Variants in ZMAT4 observed in about 807,000 individuals in gnomAD.
ZMAT4 encodes zinc finger matrin-type 4, also known as zinc finger matrin-type protein 4.
ZMAT4 carries 17 observed loss-of-function variants against 28.7 expected under a neutral mutation model. The observed-to-expected ratio is 0.59, with a 90% confidence interval of 0.41 to 0.89. The LOEUF (loss-of-function observed/expected upper bound fraction) is 0.89. ZMAT4 is among the 40% of genes least tolerant of loss of function. The pLI is 0.00. For synonymous variants in ZMAT4, 117 were observed against 109.2 expected, an observed-to-expected ratio of 1.07 and a Z score of -0.44; for missense variants, 240 against 283.8, an observed-to-expected ratio of 0.85 and a Z score of 1.11.
In ZMAT4 at chr8:40,881,158, G is replaced by GAA. The variant is rs1818207883; in HGVS notation, c.-5+16524_-5+16525insTT. Reference sequence around the variant, plus strand: ...TTTGAGAGGCCGAACTGGGAGGATCGTTTGAGGCCAGGAGTTCAAGATCAG... The same window carrying GAA: ...TTTGAGAGGCCGAACTGGGAGGATCGAATTTGAGGCCAGGAGTTCAAGATCAG... On this transcript the variant is annotated intron_variant, in intron 1 of 6. Coordinates refer to ENST00000297737, the MANE Select transcript of ZMAT4 (RefSeq NM_024645.3). Among the ~76,000 whole-genome samples, 2 of 151,962 alleles carry GAA rather than the reference G, an allele frequency of 1.3e-5. 1 individual carries two copies. Among genetic ancestry groups the GAA allele is most frequent in the South Asian group, 4.1e-4 (2 of 4,826 alleles).
chr8:40,773,079 C>A (rs1368777114), intron 2 of ZMAT4, among the ~76,000 whole-genome samples: 2 of 152,188 alleles, frequency 1.3e-5, no homozygotes, highest in Non-Finnish European at 2.9e-5. Flanking sequence ...GCAGACAAGA[C>A]AAATAGAAAA....
At chr8:40,673,196 CCTT>C (rs1175295754) in intron 5 of ZMAT4, among the ~76,000 whole-genome samples, 16 of 152,284 alleles carry the variant, frequency 1.1e-4, no homozygotes, top group African/African-American at 3.6e-4. Context: ...TGCCTTCTCA[CCTT>C]CTAAAATGCC....
At chr8:40,779,660 G>A (rs1330878244) in intron 2 of ZMAT4, among the ~76,000 whole-genome samples, 1 of 152,062 alleles carries the variant, frequency 6.6e-6, no homozygotes, top group African/African-American at 2.4e-5. Context: ...TAGAGTTTGG[G>A]GCATTAGATG....
intron 2 of ZMAT4, among the ~76,000 whole-genome samples, chr8:40,810,473 C>A (rs2150595706): frequency 6.6e-6 from 1 of 152,226 alleles, no homozygotes; most frequent in East Asian, 1.9e-4. Flanking sequence ...CCCCAAATTA[C>A]AAGGAAAGAA....
intron 3 of ZMAT4, among the ~76,000 whole-genome samples, chr8:40,742,135 G>A (rs985399989): frequency 1.3e-5 from 2 of 151,338 alleles, no homozygotes; most frequent in African/African-American, 2.4e-5. Context: ...GCACCTGACT[G>A]TAGTCCCCAG....
intron 3 of ZMAT4, among the ~76,000 whole-genome samples, chr8:40,714,454 C>T (rs535549600): frequency 2.6e-5 from 4 of 152,238 alleles, no homozygotes; most frequent in African/African-American, 7.2e-5. Context: ...TTATTGGAAA[C>T]AGCTATTAAA....
At position 40,627,219 on chromosome 8, in the gene ZMAT4, T is replaced by C. The variant is rs150787540; in HGVS notation, c.578-45958A>G. ...TCAGGCTAAGAATGTTGCTGTGGAA[T>C]GTTCTATTAGAGAGGCTGAGATTTT... On this transcript the variant is annotated intron_variant, in intron 5 of 6. Coordinates refer to ENST00000297737, the MANE Select transcript of ZMAT4 (RefSeq NM_024645.3). 5.1e-3 allele frequency among the ~76,000 whole-genome samples: 780 copies of C among 152,342 alleles called. 9 individuals are homozygous for C. Among genetic ancestry groups the C allele is most frequent in the African/African-American group, 0.017 (700 of 41,560 alleles).
chr8:40,581,320 T>A, intron 5 of ZMAT4, 59 bp from the exon 6 acceptor site: 1 of 1,400,816 alleles, frequency 7.1e-7, no homozygotes, highest in Non-Finnish European at 1.0e-6. Flanking sequence ...CTGAAATGAA[T>A]CCTAGCATCT....
chr8:40,640,855 A>G (rs1563380332), intron 5 of ZMAT4, among the ~76,000 whole-genome samples: 1 of 151,514 alleles, frequency 6.6e-6, no homozygotes, highest in East Asian at 2.0e-4. Flanking sequence ...GCTACTTGGG[A>G]GGCTGAGGAA....
intron 5 of ZMAT4, among the ~76,000 whole-genome samples, chr8:40,664,744 G>A (rs866990301): frequency 6.6e-6 from 1 of 152,214 alleles, no homozygotes; most frequent in South Asian, 2.1e-4. Flanking sequence ...ACTAAGTTTG[G>A]AGGTAATGAT....
chr8:40,589,744 C>CTTTCTT, intron 5 of ZMAT4, among the ~76,000 whole-genome samples: 1 of 146,158 alleles, frequency 6.8e-6, no homozygotes, highest in East Asian at 2.0e-4. Context: ...TTCTTTCTTT[C>CTTTCTT]TTTCTTTCTT....
chr8:40,844,908 A>G (rs28406876), intron 1 of ZMAT4, among the ~76,000 whole-genome samples: 4,108 of 152,214 alleles, frequency 0.027, 171 homozygotes, highest in African/African-American at 0.094. Flanking sequence ...CAGGGTAAGA[A>G]CTCAGGCACC....
intron 1 of ZMAT4, among the ~76,000 whole-genome samples, chr8:40,882,082 G>A (rs1322133649): frequency 3.3e-5 from 5 of 152,262 alleles, no homozygotes; most frequent in Middle Eastern, 3.4e-3. Flanking sequence ...TCACCTGCTT[G>A]TCCAGGAGTT....
chr8:40,600,650 G>T (rs1805269353), intron 5 of ZMAT4, among the ~76,000 whole-genome samples: 1 of 152,204 alleles, frequency 6.6e-6, no homozygotes. Flanking sequence ...GGGTGTCACA[G>T]TCCTAATAAC....
intron 5 of ZMAT4, among the ~76,000 whole-genome samples, chr8:40,662,686 A>G (rs999256199): frequency 3.3e-5 from 5 of 152,194 alleles, no homozygotes; most frequent in African/African-American, 1.2e-4. Context: ...ATGTTCATCA[A>G]TTACATTTCT....
chr8:40,715,408 G>A (rs1397363822), intron 3 of ZMAT4, among the ~76,000 whole-genome samples: 1 of 152,172 alleles, frequency 6.6e-6, no homozygotes, highest in African/African-American at 2.4e-5. Context: ...TACCCAGAAA[G>A]ATTTGCACAT....
chr8:40,532,282 A>G (rs753302144), intron 6 of ZMAT4, 44 bp from the exon 7 acceptor site: 60 of 1,549,816 alleles, frequency 3.9e-5, no homozygotes, highest in Non-Finnish European at 5.3e-5. Flanking sequence ...TTTCATAATT[A>G]CAAATTCCAA....
chr8:40,531,959 T>A lies in ZMAT4; in HGVS notation c.*264A>T, dbSNP rs761287833. 4.7e-5 allele frequency: 16 copies of A among 342,666 alleles called. No individual in the cohort carries two copies. Among genetic ancestry groups the A allele is most frequent in the Non-Finnish European group, 6.8e-5 (13 of 191,378 alleles). The allele number at this position is 342,666 out of a possible 1,614,324, so 21.2% of individuals were successfully genotyped here. On this transcript the variant is annotated 3_prime_UTR_variant, in exon 7 of 7. Coordinates refer to ENST00000297737, the MANE Select transcript of ZMAT4 (RefSeq NM_024645.3). ...CAACTGTTTGCTATAGGATTATAAT[T>A]TAGAACATGTGCTAAATATGTTATC... is the stretch of plus-strand genomic sequence containing the variant.
chr8:40,828,968 A>T (rs1022430569), intron 1 of ZMAT4, among the ~76,000 whole-genome samples: 3 of 152,088 alleles, frequency 2.0e-5, no homozygotes, highest in Non-Finnish European at 4.4e-5. Flanking sequence ...GAAAAAAAAA[A>T]AAAATTTCCA....
Sources: allele counts gnomAD v4.1 joint callset (sites outside exome capture counted in the v4.1 genomes callset), GRCh38; gene constraint gnomAD v4.1.1; transcripts MANE v1.5; gene names NCBI Gene and HGNC (gene_info 2026-07-23, HGNC 2026-07-21).